The following MARCKS variants were observed in gnomAD, a reference collection of about 807,000 sequenced individuals.
The protein encoded by MARCKS is myristoylated alanine rich protein kinase C substrate.
In MARCKS, 4 loss-of-function variants were observed where a neutral mutation model predicts 6.3. The ratio of observed to expected loss-of-function variants is 0.63; its 90% CI spans 0.31 to 1.45. The LOEUF (loss-of-function observed/expected upper bound fraction) is 1.45, where lower values mean the gene tolerates loss of function less well. Among genes scored for constraint, MARCKS ranks in the 40% most tolerant of loss-of-function variants. The pLI is 0.07. For synonymous variants in MARCKS, 289 were observed against 236.5 expected (o/e 1.22, Z -2.04); for missense variants, 636 against 485.7 (o/e 1.31, Z -2.91).
Position 113,857,751 on chromosome 6 carries a change from T to G in MARCKS, c.6T>G (p.Gly2=). M[G]AQFSKTAAKG... is the part of the protein sequence containing the mutation. The stretch of plus-strand genomic sequence containing the variant: ...TCTTTGTTGAAGAAGCCAGCATGGG[T>G]GCCCAGTTCTCCAAGACCGCAGCGA... Residue 2 remains glycine, a synonymous_variant, in exon 1 of 2, where the codon GGT becomes GGG. Coordinates refer to ENST00000612661, the MANE Select transcript of MARCKS (RefSeq NM_002356.7). 1 of 1,605,422 alleles carries G rather than the reference T, an allele frequency of 6.2e-7. No individual in the cohort carries two copies. Among genetic ancestry groups the G allele is most frequent in the Non-Finnish European group, 8.5e-7 (1 of 1,175,926 alleles).
rs45535333 is a variant in MARCKS at position 113,860,153 on chromosome 6, C to T, written c.573C>T (p.Gly191=). The T allele has an allele frequency of 1.7e-3, 2,445 of 1,430,366 alleles. 108 individuals are homozygous for T. In the Admixed American group the frequency reaches 0.059, roughly 35 times the overall value. The allele number at this position is 1,430,366 out of a possible 1,614,324, so 88.6% of individuals were successfully genotyped here. A position where few individuals can be genotyped will look rare whatever the true frequency, so the allele number is the denominator to read the frequency against. ...AGGCTGAGGCGCCCGCTGCCGAAGGCGGCAAGGACGAGGCCGCCGGGGGCG... is the reference window on the plus strand; with the variant it reads ...AGGCTGAGGCGCCCGCTGCCGAAGGTGGCAAGGACGAGGCCGCCGGGGGCG... ...GGEAEAPAAE[G]GKDEAAGGAA... The change falls in exon 2 of 2, where the codon GGC becomes GGT. Residue 191 remains glycine, a synonymous_variant. Coordinates refer to ENST00000612661, the MANE Select transcript of MARCKS (RefSeq NM_002356.7).
In MARCKS at chr6:113,859,310, TG is replaced by T. The variant is rs759954086; in HGVS notation, c.103-372del. Among the ~76,000 whole-genome samples the T allele has an allele frequency of 1.5e-3, 233 of 152,360 alleles. 1 individual carries two copies. The highest frequency in any genetic ancestry group is 2.4e-3 in the Non-Finnish European group (163 of 68,034). On this transcript the variant is annotated intron_variant, in intron 1 of 1. Coordinates refer to ENST00000612661, the MANE Select transcript of MARCKS (RefSeq NM_002356.7). ...GTGCCTTCTTCCAAAGGGCGTTTGC[TG>T]TGTCAACTAGTCCCTGGCACCTTTT...
intron 1 of MARCKS, 23 bp downstream of exon 1, chr6:113,857,870 G>C: frequency 6.4e-7 from 1 of 1,561,162 alleles, no homozygotes; most frequent in South Asian, 1.2e-5. Context: ...TGTGGTTGTG[G>C]TCATTTATTT....
Position 113,859,779 on chromosome 6 carries a change from G to A in MARCKS, c.199G>A (p.Ala67Thr). ...GCAGGCCAACGGCAGCGCCCCGGCC[G>A]CCGACAAGGAGGAGCCCGCGGCCGC... Reference protein sequence around the residue: ...ELQANGSAPAADKEEPAAAGS... With the variant: ...ELQANGSAPATDKEEPAAAGS... Residue 67 changes from alanine to threonine, a missense_variant, in exon 2 of 2, where the codon GCC (alanine) becomes ACC (threonine). Physicochemically the swap from Ala to Thr is moderately conservative, Grantham distance 58 (BLOSUM62 0). Coordinates refer to ENST00000612661, the MANE Select transcript of MARCKS (RefSeq NM_002356.7). The A allele has an allele frequency of 1.2e-5, 17 of 1,444,820 alleles. No homozygotes were observed. The highest frequency in any genetic ancestry group is 6.1e-5 in the East Asian group (2 of 32,548). The allele number at this position is 1,444,820 out of a possible 1,614,324, so 89.5% of individuals were successfully genotyped here. A position where few individuals can be genotyped will look rare whatever the true frequency, so the allele number is the denominator to read the frequency against.
Position 113,860,617 on chromosome 6 carries a change from T to A in MARCKS, c.*38T>A, listed in dbSNP as rs548079843. 2 of 1,466,094 alleles carry A rather than the reference T, an allele frequency of 1.4e-6. No individual in the cohort carries two copies. The highest frequency in any genetic ancestry group is 2.5e-5 in the Admixed American group (1 of 39,664). The allele number at this position is 1,466,094 out of a possible 1,614,324, so 90.8% of individuals were successfully genotyped here. On this transcript the variant is annotated 3_prime_UTR_variant, in exon 2 of 2. Coordinates refer to ENST00000612661, the MANE Select transcript of MARCKS (RefSeq NM_002356.7). ...TTGTGAGATAATCGAAGAACTTTTC[T>A]CCCCCGTTTGTTTGTTGGAGTGGTG...
Position 113,860,466 on chromosome 6 carries a change from G to GC in MARCKS, c.891dup (p.Ala298ArgfsTer44). 1 of 1,403,652 alleles carries GC rather than the reference G, an allele frequency of 7.1e-7. No individual in the cohort carries two copies. The highest frequency in any genetic ancestry group is 9.4e-7 in the Non-Finnish European group (1 of 1,068,264). The allele number at this position is 1,403,652 out of a possible 1,614,324, so 86.9% of individuals were successfully genotyped here. Reference sequence around the variant, plus strand: ...CGGCGCGCCCCCGGAGCAGGAGGCAGCCCCCGCGGAGGAGCCCGCGGCCGC... The same window carrying GC: ...CGGCGCGCCCCCGGAGCAGGAGGCAGCCCCCCGCGGAGGAGCCCGCGGCCGC... On this transcript the variant is annotated frameshift_variant, in exon 2 of 2. Coordinates refer to ENST00000612661, the MANE Select transcript of MARCKS (RefSeq NM_002356.7). LOFTEE classifies it high-confidence loss of function.
intron 1 of MARCKS, among the ~76,000 whole-genome samples, chr6:113,858,821 G>A (rs961201094): frequency 6.6e-6 from 1 of 152,268 alleles, no homozygotes; most frequent in African/African-American, 2.4e-5. Context: ...AATGCAAAAT[G>A]AGCCGCCGAG....
rs1409051287 is a variant in MARCKS, at chr6:113,859,850, GGCC to G, written c.279_281del (p.Ala95del). Reference sequence around the variant, plus strand: ...CCTCCGCGGCCGAGAAAGGTGAGCCGGCCGCCGCCGCTGCCCCCGAGGCCGGGG... The same window carrying G: ...CCTCCGCGGCCGAGAAAGGTGAGCCGGCCGCCGCTGCCCCCGAGGCCGGGG... On this transcript the variant is annotated inframe_deletion, in exon 2 of 2. Coordinates refer to ENST00000612661, the MANE Select transcript of MARCKS (RefSeq NM_002356.7). 1.5e-6 allele frequency: 2 copies of G among 1,297,356 alleles called. No individual in the cohort carries two copies. Among genetic ancestry groups the G allele is most frequent in the East Asian group, 3.4e-5 (1 of 29,826 alleles). 80.4% of individuals were successfully genotyped at this position (1,297,356 alleles called of 1,614,324 possible).
Position 113,859,988 on chromosome 6 carries a change from C to G in MARCKS, c.408C>G (p.Pro136=), listed in dbSNP as rs1774862031. The G allele has an allele frequency of 1.3e-6, 2 of 1,554,674 alleles. No homozygotes were observed. The highest frequency in any genetic ancestry group is 1.1e-5 in the South Asian group (1 of 87,502). Residue 136 remains proline, a synonymous_variant, in exon 2 of 2, where the codon CCC becomes CCG. Coordinates refer to ENST00000612661, the MANE Select transcript of MARCKS (RefSeq NM_002356.7). ...CGGCCGCCTCCTCGACTTCTTCGCCCAAGGCCGAGGACGGGGCCACGCCCT... is the reference window on the plus strand; with the variant it reads ...CGGCCGCCTCCTCGACTTCTTCGCCGAAGGCCGAGGACGGGGCCACGCCCT... ...AASAASSTSS[P]KAEDGATPSP...
Position 113,861,435 on chromosome 6 carries a change from C to A in MARCKS, c.*856C>A, listed in dbSNP as rs936311282. 1.3e-5 allele frequency: 2 copies of A among 152,598 alleles called. No individual in the cohort carries two copies. The highest frequency in any genetic ancestry group is 2.4e-5 in the African/African-American group (1 of 41,436). 9.5% of individuals were successfully genotyped at this position (152,598 alleles called of 1,614,324 possible). On this transcript the variant is annotated 3_prime_UTR_variant, in exon 2 of 2. Transcript: ENST00000612661. The stretch of plus-strand genomic sequence containing the variant: ...ATCCAGAAGCACATGAAGTTTGCAA[C>A]TTTCCACCCTGCCCATTTTTGTAAA...
rs1349447707 is a variant in MARCKS at position 113,859,890 on chromosome 6, G to A, written c.310G>A (p.Glu104Lys). The change falls in exon 2 of 2, where the codon GAG (glutamate) becomes AAG (lysine). Residue 104 changes from glutamate to lysine, a missense_variant. Physicochemically the swap from Glu to Lys is moderately conservative, Grantham distance 56 (BLOSUM62 1). Coordinates refer to ENST00000612661, the MANE Select transcript of MARCKS (RefSeq NM_002356.7). ...CCCCGAGGCCGGGGCCAGCCCGGTA[G>A]AGAAGGAGGCCCCCGCGGAAGGCGA... ...AAPEAGASPVEKEAPAEGEAA... is the reference protein window; with the variant it reads ...AAPEAGASPVKKEAPAEGEAA... 17 of 1,437,084 alleles carry A rather than the reference G, an allele frequency of 1.2e-5. No individual in the cohort carries two copies. In the Admixed American group the frequency reaches 3.1e-4, roughly 27 times the overall value. 89.0% of individuals were successfully genotyped at this position (1,437,084 alleles called of 1,614,324 possible).
chr6:113,860,469 C>G lies in MARCKS; in HGVS notation c.889C>G (p.Pro297Ala), dbSNP rs1774879263. ...CGCGCCCCCGGAGCAGGAGGCAGCC[C>G]CCGCGGAGGAGCCCGCGGCCGCCGC... ...PGAPPEQEAA[P>A]AEEPAAAAAS... Residue 297 changes from proline to alanine, a missense_variant, in exon 2 of 2, where the codon CCC (proline) becomes GCC (alanine). By Grantham distance (27) the Pro-to-Ala change is conservative (BLOSUM62 -1). Transcript: ENST00000612661. 1.4e-6 allele frequency: 2 copies of G among 1,424,524 alleles called. No individual in the cohort carries two copies. The highest frequency in any genetic ancestry group is 1.4e-5 in the South Asian group (1 of 70,230). 88.2% of individuals were successfully genotyped at this position (1,424,524 alleles called of 1,614,324 possible). A position where few individuals can be genotyped will look rare whatever the true frequency, so the allele number is the denominator to read the frequency against.
intron 1 of MARCKS, 40 bp from the exon 2 acceptor site, chr6:113,859,643 C>T: frequency 6.9e-7 from 1 of 1,439,794 alleles, no homozygotes; most frequent in Non-Finnish European, 9.2e-7. Context: ...GGCGGCGCCC[C>T]GGCCGCTTCA....
At position 113,857,690 on chromosome 6, in the gene MARCKS, G is replaced by T. The variant is rs1382662194; in HGVS notation, c.-56G>T. 2 of 1,384,402 alleles carry T rather than the reference G, an allele frequency of 1.4e-6. No individual in the cohort carries two copies. The highest frequency in any genetic ancestry group is 3.0e-5 in the African/African-American group (2 of 66,772). The allele number at this position is 1,384,402 out of a possible 1,614,324, so 85.8% of individuals were successfully genotyped here. On this transcript the variant is annotated 5_prime_UTR_variant, in exon 1 of 2. Coordinates refer to ENST00000612661, the MANE Select transcript of MARCKS (RefSeq NM_002356.7). ...GCTCGCCCCGTCGTTACACCAACCC[G>T]AGGCTCTTTGTTTCCCCTCTTGGAT...
rs1774928529 is a variant in MARCKS, at chr6:113,863,098, C to T, written c.*2519C>T. 1 of 152,152 alleles carries T rather than the reference C, an allele frequency of 6.6e-6. No individual in the cohort carries two copies. The highest frequency in any genetic ancestry group is 1.5e-5 in the Non-Finnish European group (1 of 67,998). The allele number at this position is 152,152 out of a possible 1,614,324, so 9.4% of individuals were successfully genotyped here. On this transcript the variant is annotated 3_prime_UTR_variant, in exon 2 of 2. Transcript: ENST00000612661. ...TATATTGCTAAGTTTGTTCTTTTAA[C>T]AGCTGGAATTTATTAAGATGCATTA...
At position 113,860,620 on chromosome 6, in the gene MARCKS, C is replaced by G. The variant is rs1334295847; in HGVS notation, c.*41C>G. The G allele has an allele frequency of 3.4e-6, 5 of 1,456,994 alleles. No homozygotes were observed. In the African/African-American group the frequency reaches 7.4e-5, roughly 22 times the overall value. 90.3% of individuals were successfully genotyped at this position (1,456,994 alleles called of 1,614,324 possible). A position where few individuals can be genotyped will look rare whatever the true frequency, so the allele number is the denominator to read the frequency against. On this transcript the variant is annotated 3_prime_UTR_variant, in exon 2 of 2. Coordinates refer to ENST00000612661, the MANE Select transcript of MARCKS (RefSeq NM_002356.7). ...TGAGATAATCGAAGAACTTTTCTCCCCCGTTTGTTTGTTGGAGTGGTGCCA... is the reference window on the plus strand; with the variant it reads ...TGAGATAATCGAAGAACTTTTCTCCGCCGTTTGTTTGTTGGAGTGGTGCCA...
In MARCKS at chr6:113,860,416, G is replaced by C; in HGVS notation, c.836G>C (p.Cys279Ser). ...AEEAGASAAA[C>S]EAPSAAGPGA... ...GAGGCCGGGGCCAGCGCCGCCGCCT[G>C]CGAGGCCCCCTCCGCCGCCGGGCCC... The change falls in exon 2 of 2, where the codon TGC becomes TCC. Residue 279 changes from cysteine (C) to serine (S), a missense_variant. Transcript: ENST00000612661. 1 of 1,153,778 alleles carries C rather than the reference G, an allele frequency of 8.7e-7. No homozygotes were observed. The highest frequency in any genetic ancestry group is 1.1e-6 in the Non-Finnish European group (1 of 926,662). The allele number at this position is 1,153,778 out of a possible 1,614,324, so 71.5% of individuals were successfully genotyped here. A position where few individuals can be genotyped will look rare whatever the true frequency, so the allele number is the denominator to read the frequency against.
In MARCKS at chr6:113,857,661, T is replaced by G. The variant is rs1347751322; in HGVS notation, c.-85T>G. ...CCGCTGTTGCCGCCGCCGCTGCTGC[T>G]GCTGCTCGCCCCGTCGTTACACCAA... is the stretch of plus-strand genomic sequence containing the variant. On this transcript the variant is annotated 5_prime_UTR_variant, in exon 1 of 2. Transcript: ENST00000612661. 28 of 774,196 alleles carry G rather than the reference T, an allele frequency of 3.6e-5. No individual in the cohort carries two copies. In the Admixed American group the frequency reaches 6.2e-4, roughly 17 times the overall value. 48.0% of individuals were successfully genotyped at this position (774,196 alleles called of 1,614,324 possible).
chr6:113,857,655 T>TGCTGCCGCCGCC lies in MARCKS; in HGVS notation c.-86_-85insCGCCGCCGCTGC. ...CCGCTGCCGCTGTTGCCGCCGCCGC[T>TGCTGCCGCCGCC]GCTGCTGCTGCTCGCCCCGTCGTTA... On this transcript the variant is annotated 5_prime_UTR_variant, in exon 1 of 2. Coordinates refer to ENST00000612661, the MANE Select transcript of MARCKS (RefSeq NM_002356.7). 1 of 470,326 alleles carries TGCTGCCGCCGCC rather than the reference T, an allele frequency of 2.1e-6. No individual in the cohort carries two copies. Among genetic ancestry groups the TGCTGCCGCCGCC allele is most frequent in the Non-Finnish European group, 3.3e-6 (1 of 298,862 alleles). 29.1% of individuals were successfully genotyped at this position (470,326 alleles called of 1,614,324 possible). A position where few individuals can be genotyped will look rare whatever the true frequency, so the allele number is the denominator to read the frequency against.
Sources: gnomAD v4.1 joint callset for allele counts (sites outside exome capture counted in the v4.1 genomes callset) on GRCh38, gnomAD v4.1.1 for gene constraint, MANE v1.5 for transcripts, NCBI Gene and HGNC (gene_info 2026-07-23, HGNC 2026-07-21) for gene names.